The following ANKRD44 variants were observed in gnomAD, a reference collection of about 807,000 sequenced individuals.
The protein encoded by ANKRD44 is serine/threonine-protein phosphatase 6 regulatory ankyrin repeat subunit B.
Under a neutral mutation model 116.0 loss-of-function variants are expected in ANKRD44, and 35 were observed. That is an observed-to-expected ratio of 0.30 (90% CI 0.23 to 0.40). The LOEUF (loss-of-function observed/expected upper bound fraction) is 0.40. ANKRD44 is among the 10% of genes least tolerant of loss of function. ANKRD44 has a pLI of 1.00. For synonymous variants in ANKRD44, 435 were observed against 461.8 expected (o/e 0.94, Z 0.74); for missense variants, 1,014 against 1,242.6 (o/e 0.82, Z 2.77).
At chr2:197,260,782 G>T (rs1218758571) in intron 1 of ANKRD44, among the ~76,000 whole-genome samples, 1 of 146,588 alleles carries the variant, frequency 6.8e-6, no homozygotes. Flanking sequence ...ATTTTAACTG[G>T]TGTGAGATGG....
At chr2:197,214,806 G>A (rs1338103155) in intron 1 of ANKRD44, among the ~76,000 whole-genome samples, 2 of 152,206 alleles carry the variant, frequency 1.3e-5, no homozygotes, top group African/African-American at 4.8e-5. Flanking sequence ...ACATATGCCT[G>A]TTCCCAAATA....
intron 1 of ANKRD44, among the ~76,000 whole-genome samples, chr2:197,278,260 G>C (rs2083150442): frequency 6.6e-6 from 1 of 151,940 alleles, no homozygotes; most frequent in Admixed American, 6.6e-5. Flanking sequence ...AATGCAGAAA[G>C]AGTTAACAAT....
chr2:197,168,183 A>T (rs944635103), intron 2 of ANKRD44, among the ~76,000 whole-genome samples: 1 of 152,170 alleles, frequency 6.6e-6, no homozygotes, highest in African/African-American at 2.4e-5. Flanking sequence ...AAGTCACCCC[A>T]GCTGACAAGT....
chr2:197,244,207 C>T (rs1341615236), intron 1 of ANKRD44, among the ~76,000 whole-genome samples: 1 of 152,204 alleles, frequency 6.6e-6, no homozygotes, highest in Non-Finnish European at 1.5e-5. Context: ...CTTAATAGCT[C>T]ATGTCAGCAG....
Position 197,212,144 on chromosome 2 carries a change from A to G in ANKRD44, c.28-25038T>C, listed in dbSNP as rs558429371. Among the ~76,000 whole-genome samples the G allele has an allele frequency of 6.6e-6, 1 of 152,202 alleles. No individual in the cohort carries two copies. The highest frequency in any genetic ancestry group is 2.4e-5 in the African/African-American group (1 of 41,520). On this transcript the variant is annotated intron_variant, in intron 1 of 27. Transcript: ENST00000282272. The surrounding 1 kb of genome is among the most constrained non-coding windows in gnomAD (Gnocchi z 4.8). ...CTAGAGTTTTGGAACTGGAACAAGGAGGGACTTTCTGGTGGATCAAAGTAT... is the reference window on the plus strand; with the variant it reads ...CTAGAGTTTTGGAACTGGAACAAGGGGGGACTTTCTGGTGGATCAAAGTAT...
At chr2:197,185,330 A>G (rs552797189) in intron 2 of ANKRD44, among the ~76,000 whole-genome samples, 1 of 152,348 alleles carries the variant, frequency 6.6e-6, no homozygotes, top group East Asian at 1.9e-4. Flanking sequence ...CAAAAGCCAC[A>G]CCAACCTGCA....
intron 3 of ANKRD44, 28 bp downstream of exon 3, chr2:197,146,999 T>C (rs1274597172): frequency 1.2e-6 from 2 of 1,602,692 alleles, no homozygotes; most frequent in African/African-American, 1.3e-5. Flanking sequence ...TTATTTGCAA[T>C]TGACTTTTGA....
At chr2:197,094,425 T>C (rs1278756751) in intron 10 of ANKRD44, among the ~76,000 whole-genome samples, 1 of 152,200 alleles carries the variant, frequency 6.6e-6, no homozygotes, top group Non-Finnish European at 1.5e-5. Context: ...TTACCATACA[T>C]GTTAGTATGA....
intron 17 of ANKRD44, among the ~76,000 whole-genome samples, chr2:197,024,689 G>A (rs145069155): frequency 7.9e-5 from 12 of 152,272 alleles, no homozygotes; most frequent in African/African-American, 1.4e-4. Context: ...CTCAGACTTC[G>A]TTGAAGACCC....
chr2:197,260,206 G>T (rs1296137448), intron 1 of ANKRD44, among the ~76,000 whole-genome samples: 1 of 148,632 alleles, frequency 6.7e-6, no homozygotes, highest in Non-Finnish European at 1.5e-5. Context: ...TTAGCATTAG[G>T]TATATCTCCT....
At chr2:197,055,436 A>G (rs953146569) in intron 16 of ANKRD44, among the ~76,000 whole-genome samples, 2 of 152,140 alleles carry the variant, frequency 1.3e-5, no homozygotes, top group Non-Finnish European at 2.9e-5. Flanking sequence ...TAATGGACAA[A>G]GCTTTTAACG....
intron 17 of ANKRD44, among the ~76,000 whole-genome samples, chr2:197,024,393 C>T (rs574249121): frequency 2.0e-4 from 31 of 152,286 alleles, no homozygotes; most frequent in Admixed American, 1.6e-3. Context: ...ACCAAGGGCA[C>T]GTGAGTGCCT....
chr2:197,240,399 A>G (rs569794465), intron 1 of ANKRD44, among the ~76,000 whole-genome samples: 226 of 150,750 alleles, frequency 1.5e-3, no homozygotes, highest in African/African-American at 5.1e-3. Flanking sequence ...AAAAGAGCCA[A>G]GCCAAGACCT....
At chr2:197,188,561 G>T (rs978405449) in intron 1 of ANKRD44, among the ~76,000 whole-genome samples, 1 of 152,150 alleles carries the variant, frequency 6.6e-6, no homozygotes, top group African/African-American at 2.4e-5. Flanking sequence ...GCAACTTGGG[G>T]GTGAGCATGA....
intron 1 of ANKRD44, among the ~76,000 whole-genome samples, chr2:197,304,750 C>A (rs888191053): frequency 1.3e-5 from 2 of 152,226 alleles, no homozygotes; most frequent in Admixed American, 1.3e-4. Context: ...GGTAATCAAT[C>A]ACACTTTCTC....
At chr2:197,129,686 C>A (rs2079055548) in intron 4 of ANKRD44, among the ~76,000 whole-genome samples, 1 of 152,156 alleles carries the variant, frequency 6.6e-6, no homozygotes, top group Non-Finnish European at 1.5e-5. Context: ...TTTTATTTAA[C>A]AAAAGGCCAC....
intron 15 of ANKRD44, 78 bp from the exon 16 acceptor site, chr2:197,078,892 T>C: frequency 1.4e-6 from 2 of 1,435,558 alleles, no homozygotes; most frequent in Non-Finnish European, 1.9e-6. Flanking sequence ...ATCCTCCTAT[T>C]ACGAACGTTC....
At chr2:197,151,783 T>G (rs902351370) in intron 2 of ANKRD44, among the ~76,000 whole-genome samples, 30 of 152,174 alleles carry the variant, frequency 2.0e-4, no homozygotes, top group African/African-American at 7.0e-4. Flanking sequence ...ATGTAGGATA[T>G]TAGAATAAAA....
intron 16 of ANKRD44, among the ~76,000 whole-genome samples, chr2:197,059,597 T>C (rs2077269921): frequency 6.6e-6 from 1 of 152,208 alleles, no homozygotes; most frequent in African/African-American, 2.4e-5. Flanking sequence ...AAGCTGTTAT[T>C]ATTTTAAGCA....
Sources: gnomAD v4.1 joint callset for allele counts (sites outside exome capture counted in the v4.1 genomes callset) on GRCh38, gnomAD v4.1.1 for gene constraint, Gnocchi (gnomAD v3.1) non-coding constraint, MANE v1.5 for transcripts, NCBI Gene and HGNC (gene_info 2026-07-23, HGNC 2026-07-21) for gene names.